The following HMGCLL1 variants were observed in gnomAD, a reference collection of about 807,000 sequenced individuals.
HMGCLL1 encodes 3-hydroxy-3-methylglutaryl-CoA lyase like 1.
HMGCLL1 carries 36 observed loss-of-function variants against 39.1 expected under a neutral mutation model. The ratio of observed to expected loss-of-function variants is 0.92; its 90% CI spans 0.71 to 1.22. The LOEUF is 1.22. Among genes scored for constraint, HMGCLL1 ranks in the 50% most tolerant of loss-of-function variants. The probability of loss-of-function intolerance (pLI) is 0.00; values close to 1 mark genes in which losing one functional copy is unlikely to be tolerated. For missense variants in HMGCLL1, 451 were observed against 416.5 expected (o/e 1.08, Z -0.72); for synonymous variants, 149 against 144.0 (o/e 1.03, Z -0.25).
Position 55,434,461 on chromosome 6 carries a change from A to T in HMGCLL1, c.*1201T>A, listed in dbSNP as rs181782875. On this transcript the variant is annotated 3_prime_UTR_variant, in exon 9 of 9. Coordinates refer to ENST00000274901, the MANE Select transcript of HMGCLL1 (RefSeq NM_001042406.2). ...TACTCATTTTTATGTTTCAATTTAT[A>T]TTCAAATTTACTCAAAGATAATATC... 544 of 152,204 alleles carry T rather than the reference A, an allele frequency of 3.6e-3. 8 individuals are homozygous for T. Among genetic ancestry groups the T allele is most frequent in the African/African-American group, 0.013 (523 of 41,546 alleles). The allele number at this position is 152,204 out of a possible 1,614,324, so 9.4% of individuals were successfully genotyped here.
In HMGCLL1 at chr6:55,463,979, T is replaced by A. The variant is rs185366993; in HGVS notation, c.796-24420A>T. Reference sequence around the variant, plus strand: ...AACCACCCAACGCTTTAGACTGAAATATTTTGATAATAGCTTGTTTCATTC... The same window carrying A: ...AACCACCCAACGCTTTAGACTGAAAAATTTTGATAATAGCTTGTTTCATTC... On this transcript the variant is annotated intron_variant, in intron 7 of 8. Coordinates refer to ENST00000274901, the MANE Select transcript of HMGCLL1 (RefSeq NM_001042406.2). 5.8e-3 allele frequency among the ~76,000 whole-genome samples: 885 copies of A among 152,280 alleles called. 3 individuals are homozygous for A. The highest frequency in any genetic ancestry group is 0.027 in the Middle Eastern group (8 of 294).
In HMGCLL1 at chr6:55,547,342, G is replaced by A. The variant is rs1770038508; in HGVS notation, c.109-5202C>T. On this transcript the variant is annotated intron_variant, in intron 1 of 8. Coordinates refer to ENST00000274901, the MANE Select transcript of HMGCLL1 (RefSeq NM_001042406.2). ...TATGCCAGCGTGTGTATGCTTGTGT[G>A]TAGCACACACATTTCTCAGCAGTAA... is the stretch of plus-strand genomic sequence containing the variant. Among the ~76,000 whole-genome samples the A allele has an allele frequency of 2.0e-5, 3 of 152,072 alleles. No individual in the cohort carries two copies. In the South Asian group the frequency reaches 6.2e-4, roughly 31 times the overall value.
intron 1 of HMGCLL1, among the ~76,000 whole-genome samples, chr6:55,545,212 C>CA (rs766554353): frequency 1.5e-4 from 3 of 20,564 alleles, no homozygotes; most frequent in Admixed American, 4.5e-4. Context: ...CAATGTTTGC[C>CA]AAAAAAAAAA....
chr6:55,523,853 C>G (rs79470586), intron 3 of HMGCLL1, among the ~76,000 whole-genome samples: 1 of 151,802 alleles, frequency 6.6e-6, no homozygotes, highest in Non-Finnish European at 1.5e-5. Context: ...TATATACATA[C>G]TGTTGTAAGG....
At chr6:55,581,534 T>C (rs1404599182), upstream of HMGCLL1, among the ~76,000 whole-genome samples, 1 of 152,084 alleles carries the variant, frequency 6.6e-6, no homozygotes, top group Non-Finnish European at 1.5e-5. Flanking sequence ...AAGCATATGT[T>C]TTTGTACTTA....
chr6:55,475,565 G>A lies in HMGCLL1; in HGVS notation c.795+19854C>T, dbSNP rs544760436. Among the ~76,000 whole-genome samples the A allele has an allele frequency of 6.6e-5, 10 of 151,568 alleles. No homozygotes were observed. In the South Asian group the frequency reaches 8.3e-4, roughly 13 times the overall value. ...TCAATTTTTCAAGCTTGTCCATGCC[G>A]TAAAAATAAGGGTGATTTCCAAACT... is the stretch of plus-strand genomic sequence containing the variant. On this transcript the variant is annotated intron_variant, in intron 7 of 8. Transcript: ENST00000274901.
chr6:55,551,459 G>A (rs748767083), intron 1 of HMGCLL1, among the ~76,000 whole-genome samples: 2 of 151,816 alleles, frequency 1.3e-5, no homozygotes, highest in Non-Finnish European at 2.9e-5. Flanking sequence ...ATTGTAACAA[G>A]GAAGGGCAAG....
chr6:55,547,618 T>C (rs1049273679), intron 1 of HMGCLL1, among the ~76,000 whole-genome samples: 3 of 152,022 alleles, frequency 2.0e-5, no homozygotes, highest in Non-Finnish European at 4.4e-5. Context: ...ACTGCTATGA[T>C]GTTCCAATCA....
At chr6:55,519,317 T>C (rs535825317) in intron 3 of HMGCLL1, among the ~76,000 whole-genome samples, 32 of 151,860 alleles carry the variant, frequency 2.1e-4, no homozygotes, top group African/African-American at 7.7e-4. Flanking sequence ...AGAAAAAAAA[T>C]GGTACTGGGA....
chr6:55,613,523 A>G, the HMGCLL1 span, among the ~76,000 whole-genome samples: 1 of 152,192 alleles, frequency 6.6e-6, no homozygotes, highest in Non-Finnish European at 1.5e-5. Context: ...TATTCTCAAT[A>G]GCAAAGACAT....
intron 3 of HMGCLL1, among the ~76,000 whole-genome samples, chr6:55,540,815 C>G (rs1329485766): frequency 6.6e-6 from 1 of 151,996 alleles, no homozygotes; most frequent in Non-Finnish European, 1.5e-5. Context: ...GGGAAGGCAG[C>G]ACTAGAAATG....
At chr6:55,440,031 G>T (rs868448578) in intron 7 of HMGCLL1, among the ~76,000 whole-genome samples, 4 of 152,196 alleles carry the variant, frequency 2.6e-5, no homozygotes, top group Middle Eastern at 6.8e-3. Context: ...TTGAAATAGG[G>T]TTTTGTGGGC....
upstream of HMGCLL1, among the ~76,000 whole-genome samples, chr6:55,581,541 CTTAGTA>C (rs1288398176): frequency 3.3e-5 from 5 of 151,902 alleles, no homozygotes; most frequent in Non-Finnish European, 7.4e-5. Flanking sequence ...TGTTTTTGTA[CTTAGTA>C]TTAATGTACA....
chr6:55,631,186 G>A, the HMGCLL1 span, among the ~76,000 whole-genome samples: 7 of 151,984 alleles, frequency 4.6e-5, 1 homozygote, highest in African/African-American at 1.4e-4. Context: ...TTATGTCTTT[G>A]AATAAACTTT....
At chr6:55,435,814 A>C (rs1763347450) in intron 8 of HMGCLL1, 51 bp from the exon 9 acceptor site, 1 of 949,528 alleles carries the variant, frequency 1.1e-6, no homozygotes, top group Non-Finnish European at 1.6e-6. Context: ...TAGAGAGAAA[A>C]AAGATAAAAC....
intron 7 of HMGCLL1, among the ~76,000 whole-genome samples, chr6:55,455,198 G>A (rs1161886134): frequency 6.6e-6 from 1 of 152,030 alleles, no homozygotes; most frequent in Non-Finnish European, 1.5e-5. Context: ...ATTTCAAATA[G>A]CTCAAGTTCA....
chr6:55,573,576 TAAAC>T (rs779925117), intron 1 of HMGCLL1, among the ~76,000 whole-genome samples: 5 of 151,248 alleles, frequency 3.3e-5, no homozygotes, highest in Non-Finnish European at 5.9e-5. Context: ...AACAGCAAAT[TAAAC>T]AAAGCTGAAG....
intron 1 of HMGCLL1, among the ~76,000 whole-genome samples, chr6:55,552,961 G>A (rs1189897363): frequency 6.6e-6 from 1 of 151,702 alleles, no homozygotes; most frequent in Admixed American, 6.6e-5. Flanking sequence ...GGCTAACATG[G>A]TGCAACCCCG....
chr6:55,480,523 G>T (rs1581836500), intron 7 of HMGCLL1, among the ~76,000 whole-genome samples: 1 of 151,676 alleles, frequency 6.6e-6, no homozygotes, highest in South Asian at 2.1e-4. Flanking sequence ...GTTAGAAATT[G>T]TATTAGTACA....
Sources: gnomAD v4.1 joint callset for allele counts (sites outside exome capture counted in the v4.1 genomes callset) on GRCh38, gnomAD v4.1.1 for gene constraint, MANE v1.5 for transcripts, NCBI Gene and HGNC (gene_info 2026-07-23, HGNC 2026-07-21) for gene names.